The following SUCLG2 variants were observed in gnomAD, a reference collection of about 807,000 sequenced individuals.
SUCLG2 encodes succinate-CoA ligase GDP-forming subunit beta, also known as succinate--CoA ligase [GDP-forming] subunit beta, mitochondrial.
SUCLG2 carries 42 observed loss-of-function variants against 47.9 expected under a neutral mutation model. The ratio of observed to expected loss-of-function variants is 0.88; its 90% CI spans 0.69 to 1.14. SUCLG2 has a LOEUF of 1.14. SUCLG2 is among the 50% of genes most tolerant of loss of function. The probability of loss-of-function intolerance (pLI) is 0.00; values close to 1 mark genes in which losing one functional copy is unlikely to be tolerated. For missense variants in SUCLG2, 571 were observed against 525.9 expected (o/e 1.09, Z -0.84); for synonymous variants, 195 against 197.3 (o/e 0.99, Z 0.10).
At chr3:67,444,394 G>GT in intron 9 of SUCLG2, among the ~76,000 whole-genome samples, 1 of 35,264 alleles carries the variant, frequency 2.8e-5, no homozygotes, top group African/African-American at 1.0e-4. Context: ...GGGGGGGTCA[G>GT]CCCTCCGCCC....
At chr3:67,389,340 G>C (rs912796175) in intron 10 of SUCLG2, among the ~76,000 whole-genome samples, 2 of 152,180 alleles carry the variant, frequency 1.3e-5, no homozygotes, top group African/African-American at 2.4e-5. Flanking sequence ...AGTGCATGTG[G>C]AGAAAGATGT....
At chr3:67,544,918 T>A (rs565782232) in intron 2 of SUCLG2, among the ~76,000 whole-genome samples, 2 of 152,326 alleles carry the variant, frequency 1.3e-5, no homozygotes, top group South Asian at 4.1e-4. Flanking sequence ...AAGAACAGCA[T>A]ATAAATAGAA....
chr3:67,452,460 A>C (rs143311126), intron 9 of SUCLG2, among the ~76,000 whole-genome samples: 3 of 152,302 alleles, frequency 2.0e-5, no homozygotes, highest in African/African-American at 7.2e-5. Context: ...TGAGGTGCTT[A>C]ATGAGCCAGT....
At chr3:67,386,968 CT>C (rs1702273559) in intron 10 of SUCLG2, among the ~76,000 whole-genome samples, 1 of 152,194 alleles carries the variant, frequency 6.6e-6, no homozygotes, top group African/African-American at 2.4e-5. Context: ...GTTCTCTGTG[CT>C]TGCCTCTCTC....
chr3:67,531,041 T>C (rs1201070034), intron 2 of SUCLG2, among the ~76,000 whole-genome samples: 1 of 152,238 alleles, frequency 6.6e-6, no homozygotes, highest in Non-Finnish European at 1.5e-5. Flanking sequence ...AAAAGTAGCA[T>C]GCCCTTCTGT....
intron 9 of SUCLG2, among the ~76,000 whole-genome samples, chr3:67,494,444 G>A (rs961949599): frequency 6.6e-6 from 1 of 152,036 alleles, no homozygotes; most frequent in Non-Finnish European, 1.5e-5. Context: ...AGACCAGCCT[G>A]AGCAACACAG....
rs1702008522 is a variant in SUCLG2, at chr3:67,374,997, T to C, written c.*747A>G. On this transcript the variant is annotated 3_prime_UTR_variant, in exon 11 of 11. Transcript: ENST00000307227. Reference sequence around the variant, plus strand: ...AATATCTTAATAACAGAGATTTCCATAAGAATCAGGATTCATTTTTGACAC... The same window carrying C: ...AATATCTTAATAACAGAGATTTCCACAAGAATCAGGATTCATTTTTGACAC... The C allele has an allele frequency of 1.0e-6, 1 of 985,696 alleles. No homozygotes were observed. Among genetic ancestry groups the C allele is most frequent in the African/African-American group, 1.7e-5 (1 of 57,228 alleles). The allele number at this position is 985,696 out of a possible 1,614,324, so 61.1% of individuals were successfully genotyped here.
At chr3:67,493,245 T>C (rs1420441673) in intron 9 of SUCLG2, among the ~76,000 whole-genome samples, 5 of 152,234 alleles carry the variant, frequency 3.3e-5, no homozygotes, top group Admixed American at 1.3e-4. Context: ...GAAGCCAGGA[T>C]TGAAAATACT....
intron 2 of SUCLG2, among the ~76,000 whole-genome samples, chr3:67,587,701 G>T (rs1422562892): frequency 6.6e-6 from 1 of 152,106 alleles, no homozygotes; most frequent in Non-Finnish European, 1.5e-5. Context: ...TTTTTTAATT[G>T]TACAGTTAAT....
At chr3:67,382,876 A>G (rs1323626459) in intron 10 of SUCLG2, among the ~76,000 whole-genome samples, 2 of 152,192 alleles carry the variant, frequency 1.3e-5, no homozygotes, top group Admixed American at 6.5e-5. Flanking sequence ...TCTCTAAAGC[A>G]GCAAATTCCT....
intron 10 of SUCLG2, among the ~76,000 whole-genome samples, chr3:67,383,969 C>T (rs1702211362): frequency 6.6e-6 from 1 of 152,142 alleles, no homozygotes; most frequent in African/African-American, 2.4e-5. Context: ...TTGAATCTTC[C>T]TCCTAGCTTT....
intron 9 of SUCLG2, among the ~76,000 whole-genome samples, chr3:67,436,193 G>A (rs1703616248): frequency 6.6e-6 from 1 of 152,136 alleles, no homozygotes; most frequent in African/African-American, 2.4e-5. Flanking sequence ...TAAAGACAAG[G>A]CTACTGCTAA....
At chr3:67,591,197 A>G (rs903435154) in intron 2 of SUCLG2, among the ~76,000 whole-genome samples, 1 of 152,182 alleles carries the variant, frequency 6.6e-6, no homozygotes, top group African/African-American at 2.4e-5. Flanking sequence ...CAGAGAAAGG[A>G]TGGTCTCAGA....
chr3:67,482,034 G>T (rs903239280), intron 9 of SUCLG2, among the ~76,000 whole-genome samples: 4 of 152,186 alleles, frequency 2.6e-5, no homozygotes, highest in African/African-American at 9.7e-5. Flanking sequence ...ACAAAAATTA[G>T]CTGGGCATGG....
intron 9 of SUCLG2, among the ~76,000 whole-genome samples, chr3:67,476,080 A>C (rs59173782): frequency 0.05 from 7,642 of 152,014 alleles, 287 homozygotes; most frequent in African/African-American, 0.096. Context: ...TAACTAATTT[A>C]TAAACACAAT....
Position 67,554,277 on chromosome 3 carries a change from A to T in SUCLG2, c.227-25091T>A, listed in dbSNP as rs181177271. ...CAGAGAGAAGTCAGCTACCCTCTGTAAGGCTAAAGCTATTACATTTACTTA... is the reference window on the plus strand; with the variant it reads ...CAGAGAGAAGTCAGCTACCCTCTGTTAGGCTAAAGCTATTACATTTACTTA... On this transcript the variant is annotated intron_variant, in intron 2 of 10. Transcript: ENST00000307227. 3.3e-4 allele frequency among the ~76,000 whole-genome samples: 51 copies of T among 152,338 alleles called. No homozygotes were observed. The East Asian group carries it at 7.5e-3, about 22-fold the overall frequency.
chr3:67,419,259 G>A (rs1249679849), intron 9 of SUCLG2, among the ~76,000 whole-genome samples: 1 of 152,100 alleles, frequency 6.6e-6, no homozygotes, highest in Non-Finnish European at 1.5e-5. Flanking sequence ...GAAGAGATAC[G>A]CTTATCACAC....
At chr3:67,508,396 G>C (rs571466809) in intron 7 of SUCLG2, among the ~76,000 whole-genome samples, 6 of 152,154 alleles carry the variant, frequency 3.9e-5, no homozygotes, top group Non-Finnish European at 8.8e-5. Flanking sequence ...TGGAGAGAAA[G>C]AGGTGAACGA....
intron 3 of SUCLG2, among the ~76,000 whole-genome samples, chr3:67,528,792 G>A (rs1706323014): frequency 6.6e-6 from 1 of 152,138 alleles, no homozygotes; most frequent in Non-Finnish European, 1.5e-5. Context: ...GTGACATTAT[G>A]GAAGTAGCAT....
Sources: allele counts gnomAD v4.1 joint callset (sites outside exome capture counted in the v4.1 genomes callset), GRCh38; gene constraint gnomAD v4.1.1; transcripts MANE v1.5; gene names NCBI Gene and HGNC (gene_info 2026-07-23, HGNC 2026-07-21).